The following BCKDHB variants were observed in gnomAD, a reference collection of about 807,000 sequenced individuals.
BCKDHB encodes the protein branched chain keto acid dehydrogenase E1 subunit beta.
Under a neutral mutation model 48.5 loss-of-function variants are expected in BCKDHB, and 41 were observed. The observed-to-expected ratio is 0.85, with a 90% confidence interval of 0.66 to 1.10. The LOEUF is 1.10. Among genes scored for constraint, BCKDHB ranks in the 50% least tolerant of loss-of-function variants. The probability of loss-of-function intolerance (pLI) is 0.00; values close to 1 mark genes in which losing one functional copy is unlikely to be tolerated. For synonymous variants in BCKDHB, 201 were observed against 174.8 expected, an observed-to-expected ratio of 1.15 and a Z score of -1.18; for missense variants, 496 against 494.2, an observed-to-expected ratio of 1.00 and a Z score of -0.03.
intron 8 of BCKDHB, among the ~76,000 whole-genome samples, chr6:80,205,837 G>GTGTGTGTGTGTGTGTGT (rs1368120428): frequency 1.1e-5 from 1 of 91,866 alleles, no homozygotes; most frequent in African/African-American, 4.3e-5. Context: ...TGTGTGTGTA[G>GTGTGTGTGTGTGTGTGT]GTGGATTGGC....
At chr6:80,332,920 T>C (rs1451154817) in intron 9 of BCKDHB, among the ~76,000 whole-genome samples, 1 of 57,880 alleles carries the variant, frequency 1.7e-5, no homozygotes, top group African/African-American at 4.8e-5. Flanking sequence ...CAGCAAGCAC[T>C]AAAAAGAAAA....
intron 3 of BCKDHB, among the ~76,000 whole-genome samples, chr6:80,143,070 C>T (rs565769149): frequency 6.6e-6 from 1 of 152,224 alleles, no homozygotes; most frequent in South Asian, 2.1e-4. Flanking sequence ...TTTTATGGAG[C>T]AGTTCAGATT....
At chr6:80,192,191 GT>G (rs971078070) in intron 6 of BCKDHB, among the ~76,000 whole-genome samples, 2 of 151,776 alleles carry the variant, frequency 1.3e-5, no homozygotes, top group African/African-American at 2.4e-5. Flanking sequence ...TTAATTAGCA[GT>G]TTTTTTTCTA....
intron 3 of BCKDHB, among the ~76,000 whole-genome samples, chr6:80,154,344 A>G (rs542017384): frequency 9.8e-5 from 15 of 152,308 alleles, no homozygotes; most frequent in African/African-American, 3.4e-4. Context: ...GGTCAGAATC[A>G]GAGCCTCTGG....
chr6:80,381,674 A>T, the BCKDHB span, among the ~76,000 whole-genome samples: 1 of 152,134 alleles, frequency 6.6e-6, no homozygotes, highest in Non-Finnish European at 1.5e-5. Context: ...GTTTTATAAC[A>T]AAATATTTTA....
intron 6 of BCKDHB, among the ~76,000 whole-genome samples, chr6:80,183,551 C>T (rs1254572790): frequency 1.3e-5 from 2 of 152,108 alleles, no homozygotes; most frequent in Admixed American, 1.3e-4. Flanking sequence ...GCCAACATCC[C>T]CATCAGAGTT....
chr6:80,349,651 T>C (rs1319133795), downstream of BCKDHB, among the ~76,000 whole-genome samples: 1 of 152,148 alleles, frequency 6.6e-6, no homozygotes, highest in Non-Finnish European at 1.5e-5. Context: ...AAAACAAATA[T>C]GGCATAATTC....
the BCKDHB span, among the ~76,000 whole-genome samples, chr6:80,382,243 T>A: frequency 1.3e-5 from 2 of 152,140 alleles, no homozygotes; most frequent in African/African-American, 4.8e-5. Flanking sequence ...ACTCATGGTT[T>A]TGGAAATTGC....
intron 8 of BCKDHB, among the ~76,000 whole-genome samples, chr6:80,246,787 TA>T (rs1776636100): frequency 6.6e-6 from 1 of 152,038 alleles, no homozygotes. Flanking sequence ...TTTACCATCT[TA>T]CCACCCCATC....
At chr6:80,391,175 ATATGTGTG>A in the BCKDHB span, among the ~76,000 whole-genome samples, 1 of 144,014 alleles carries the variant, frequency 6.9e-6, no homozygotes, top group Non-Finnish European at 1.5e-5. Context: ...ATGCATATAT[ATATGTGTG>A]TGTGTGTGTG....
chr6:80,119,918 A>C (rs1385536025), intron 1 of BCKDHB, among the ~76,000 whole-genome samples: 2 of 151,582 alleles, frequency 1.3e-5, no homozygotes, highest in South Asian at 2.1e-4. Context: ...CACAACGTGC[A>C]GGTTTGATAC....
At chr6:80,154,401 C>T (rs1170532844) in intron 3 of BCKDHB, among the ~76,000 whole-genome samples, 1 of 152,126 alleles carries the variant, frequency 6.6e-6, no homozygotes, top group African/African-American at 2.4e-5. Flanking sequence ...TCTCTTACAA[C>T]ATCTATCTAA....
chr6:80,463,685 G>A, the BCKDHB span, among the ~76,000 whole-genome samples: 1 of 151,966 alleles, frequency 6.6e-6, no homozygotes, highest in South Asian at 2.1e-4. Context: ...AAAGTGGTTT[G>A]GCTATGTTCA....
intron 8 of BCKDHB, among the ~76,000 whole-genome samples, chr6:80,258,312 C>T (rs77939916): frequency 0.02 from 3,093 of 152,150 alleles, 92 homozygotes; most frequent in East Asian, 0.11. Context: ...TGAGGAGAAA[C>T]GGTCATCAAG....
intron 8 of BCKDHB, among the ~76,000 whole-genome samples, chr6:80,249,349 C>A (rs924107016): frequency 2.0e-5 from 3 of 151,908 alleles, no homozygotes; most frequent in African/African-American, 7.3e-5. Context: ...TTCATGTCTG[C>A]AGTTATCCTG....
At chr6:80,351,939 C>T in the BCKDHB span, among the ~76,000 whole-genome samples, 10 of 151,458 alleles carry the variant, frequency 6.6e-5, no homozygotes, top group East Asian at 5.8e-4. Context: ...CTCCTGCCTC[C>T]GCCTCCCAAG....
chr6:80,306,452 GA>G (rs1187388793), intron 9 of BCKDHB, among the ~76,000 whole-genome samples: 1 of 152,150 alleles, frequency 6.6e-6, no homozygotes, highest in Non-Finnish European at 1.5e-5. Context: ...AAGGGTGCCT[GA>G]GTGAACCTAA....
chr6:80,137,913 C>A (rs1230040584), intron 3 of BCKDHB, among the ~76,000 whole-genome samples: 1 of 151,550 alleles, frequency 6.6e-6, no homozygotes. Context: ...GCAAGATGAC[C>A]CCACCCCTAC....
At chr6:80,352,198 TA>T in the BCKDHB span, among the ~76,000 whole-genome samples, 1 of 151,914 alleles carries the variant, frequency 6.6e-6, no homozygotes, top group Admixed American at 6.6e-5. Flanking sequence ...AGGCTGGTCT[TA>T]AACTCCTGGG....
Sources: gnomAD v4.1 joint callset for allele counts (sites outside exome capture counted in the v4.1 genomes callset) on GRCh38, gnomAD v4.1.1 for gene constraint, MANE v1.5 for transcripts, NCBI Gene and HGNC (gene_info 2026-07-23, HGNC 2026-07-21) for gene names.